HDAC9: variants seen among roughly 807,000 people sequenced by gnomAD.
The protein encoded by HDAC9 is histone deacetylase 9.
HDAC9 carries 41 observed loss-of-function variants against 139.4 expected under a neutral mutation model. The observed-to-expected ratio is 0.29, with a 90% CI of 0.23 to 0.38. The LOEUF (loss-of-function observed/expected upper bound fraction) is 0.38, where lower values mean the gene tolerates loss of function less well. Ranked by LOEUF, HDAC9 falls within the 10% of genes least tolerant of loss-of-function variation. HDAC9 has a pLI of 1.00. For synonymous variants in HDAC9, 517 were observed against 476.2 expected (o/e 1.09, Z -1.12); for missense variants, 1,147 against 1,297.0 (o/e 0.88, Z 1.78).
Position 18,498,445 on chromosome 7 carries a change from C to A in HDAC9, c.22+2121C>A, listed in dbSNP as rs542781299. 1.3e-4 allele frequency among the ~76,000 whole-genome samples: 20 copies of A among 152,198 alleles called. No homozygotes were observed. The East Asian group carries it at 3.7e-3, about 28-fold the overall frequency. On this transcript the variant is annotated intron_variant, in intron 2 of 25. Coordinates refer to ENST00000686413, the MANE Select transcript of HDAC9 (RefSeq NM_178425.4). ...CAAACTGAGATTCACTGCTGTAGGGCTAGGGAACAGATGGTGATGCTGGTG... is the reference window on the plus strand; with the variant it reads ...CAAACTGAGATTCACTGCTGTAGGGATAGGGAACAGATGGTGATGCTGGTG...
intron 17 of HDAC9, among the ~76,000 whole-genome samples, chr7:18,820,157 G>A (rs970536185): frequency 6.6e-6 from 1 of 152,088 alleles, no homozygotes; most frequent in African/African-American, 2.4e-5. Flanking sequence ...AAGAAATTAA[G>A]TCACTGAATT....
chr7:18,456,088 C>T (rs1471356192), intron 1 of HDAC9, among the ~76,000 whole-genome samples: 1 of 152,016 alleles, frequency 6.6e-6, no homozygotes. Context: ...AAATAGGGTC[C>T]CCAGCACATT....
chr7:18,471,400 T>C (rs1794713693), intron 1 of HDAC9, among the ~76,000 whole-genome samples: 1 of 152,200 alleles, frequency 6.6e-6, no homozygotes, highest in African/African-American at 2.4e-5. Flanking sequence ...ATATTCCACC[T>C]GTTTGCATTA....
chr7:18,509,365 C>T (rs1586482454), intron 2 of HDAC9: 5 of 985,438 alleles, frequency 5.1e-6, no homozygotes, highest in Non-Finnish European at 6.0e-6. Flanking sequence ...CTACGATTTT[C>T]TCTAGCCTCA....
intron 12 of HDAC9, among the ~76,000 whole-genome samples, chr7:18,674,085 C>G (rs1222961469): frequency 6.6e-6 from 1 of 151,910 alleles, no homozygotes; most frequent in Non-Finnish European, 1.5e-5. Flanking sequence ...TTGTAGTCAT[C>G]TTTGATTATC....
chr7:18,754,256 G>T (rs916892273), intron 14 of HDAC9, among the ~76,000 whole-genome samples: 1 of 151,984 alleles, frequency 6.6e-6, no homozygotes, highest in Admixed American at 6.6e-5. Flanking sequence ...ATGAGAAATG[G>T]ATCTGGAGGG....
intron 2 of HDAC9, among the ~76,000 whole-genome samples, chr7:18,171,051 C>G (rs1327732415): frequency 6.6e-6 from 1 of 152,134 alleles, no homozygotes; most frequent in Non-Finnish European, 1.5e-5. Context: ...TAGCTATTTC[C>G]AAGATATTGA....
intron 22 of HDAC9, among the ~76,000 whole-genome samples, chr7:18,932,877 A>AAAGAAAGAAAGAAAGAAAGAAAGAAAGG (rs1381903672): frequency 6.6e-6 from 1 of 150,538 alleles, no homozygotes; most frequent in East Asian, 1.9e-4. Context: ...AGAAAGAAAG[A>AAAGAAAGAAAGAAAGAAAGAAAGAAAGG]AAGGATGTCC....
At chr7:18,570,487 A>G (rs1449449039) in intron 2 of HDAC9, among the ~76,000 whole-genome samples, 1 of 152,250 alleles carries the variant, frequency 6.6e-6, no homozygotes, top group East Asian at 1.9e-4. Flanking sequence ...AAAACTTTTC[A>G]GTCTCATCTG....
intron 1 of HDAC9, among the ~76,000 whole-genome samples, chr7:18,159,279 T>C (rs1787447879): frequency 6.6e-6 from 1 of 152,228 alleles, no homozygotes; most frequent in African/African-American, 2.4e-5. Context: ...TTTTTTGTTA[T>C]CTACCTACCT....
chr7:18,551,120 G>T (rs1816983312), intron 2 of HDAC9, among the ~76,000 whole-genome samples: 1 of 152,186 alleles, frequency 6.6e-6, no homozygotes, highest in Non-Finnish European at 1.5e-5. Flanking sequence ...AATGGAAGGG[G>T]TAAAACATGA....
rs933763575 is a variant in HDAC9 at position 18,824,087 on chromosome 7, G to C, written c.2323-5074G>C. On this transcript the variant is annotated intron_variant, in intron 17 of 25. Coordinates refer to ENST00000686413, the MANE Select transcript of HDAC9 (RefSeq NM_178425.4). ...AGAAGAAGAAGAAGAAGAAGAAGAA[G>C]AACAAGAACAAGAAGGAGAAGAAGA... Among the ~76,000 whole-genome samples the C allele has an allele frequency of 7.8e-4, 115 of 147,546 alleles. 1 individual carries two copies. The highest frequency in any genetic ancestry group is 2.6e-3 in the African/African-American group (104 of 39,358).
At chr7:18,738,288 T>C (rs1345318378) in intron 13 of HDAC9, among the ~76,000 whole-genome samples, 2 of 152,228 alleles carry the variant, frequency 1.3e-5, no homozygotes, top group Non-Finnish European at 2.9e-5. Flanking sequence ...ATGTGTGAAT[T>C]TGATCCTGTC....
chr7:18,584,736 C>A (rs929235442), intron 2 of HDAC9, among the ~76,000 whole-genome samples: 1 of 152,168 alleles, frequency 6.6e-6, no homozygotes, highest in African/African-American at 2.4e-5. Context: ...TTACCATTTT[C>A]CACATTTTAG....
chr7:18,459,133 G>A (rs547663100), intron 1 of HDAC9, among the ~76,000 whole-genome samples: 3 of 152,232 alleles, frequency 2.0e-5, no homozygotes, highest in African/African-American at 4.8e-5. Context: ...AACTCAGATC[G>A]ATTAGACATA....
chr7:18,762,543 A>G (rs890031000), intron 15 of HDAC9, among the ~76,000 whole-genome samples: 12 of 152,200 alleles, frequency 7.9e-5, no homozygotes. Flanking sequence ...GTTTTTGCAT[A>G]TAGAAAAAAC....
intron 5 of HDAC9, among the ~76,000 whole-genome samples, chr7:18,592,394 T>C (rs1831252788): frequency 6.6e-6 from 1 of 152,116 alleles, no homozygotes; most frequent in South Asian, 2.1e-4. Context: ...ATAGAGGATG[T>C]GGTGATTTTA....
intron 2 of HDAC9, among the ~76,000 whole-genome samples, chr7:18,583,281 T>C (rs1364602721): frequency 6.6e-6 from 1 of 152,180 alleles, no homozygotes; most frequent in Non-Finnish European, 1.5e-5. Flanking sequence ...AAGTTACGGA[T>C]GAGGGAACAG....
At chr7:18,654,770 A>T (rs989485646) in intron 11 of HDAC9, among the ~76,000 whole-genome samples, 2 of 152,178 alleles carry the variant, frequency 1.3e-5, no homozygotes, top group Non-Finnish European at 2.9e-5. Context: ...TAGATTTGCC[A>T]CGATGAAGAA....
Sources: gnomAD v4.1 joint callset for allele counts (sites outside exome capture counted in the v4.1 genomes callset) on GRCh38, gnomAD v4.1.1 for gene constraint, MANE v1.5 for transcripts, NCBI Gene and HGNC (gene_info 2026-07-23, HGNC 2026-07-21) for gene names.